The following KIAA0825 variants were observed in gnomAD, a reference collection of about 807,000 sequenced individuals.
KIAA0825 encodes KIAA0825, also known as uncharacterized protein KIAA0825.
KIAA0825 carries 119 observed loss-of-function variants against 147.6 expected under a neutral mutation model. The ratio of observed to expected loss-of-function variants is 0.81; its 90% CI spans 0.69 to 0.94. The LOEUF (loss-of-function observed/expected upper bound fraction) is 0.94. Among genes scored for constraint, KIAA0825 ranks in the 40% least tolerant of loss-of-function variants. The pLI is 0.00. For synonymous variants in KIAA0825, 470 were observed against 518.1 expected, an observed-to-expected ratio of 0.91 and a Z score of 1.26; for missense variants, 1,381 against 1,472.7, an observed-to-expected ratio of 0.94 and a Z score of 1.02.
At chr5:94,586,111 A>G (rs1414774638) in intron 1 of KIAA0825, among the ~76,000 whole-genome samples, 1 of 152,210 alleles carries the variant, frequency 6.6e-6, no homozygotes, top group East Asian at 1.9e-4. Flanking sequence ...TTGACACCCT[A>G]ACATCACAAT....
intron 1 of KIAA0825, among the ~76,000 whole-genome samples, chr5:94,606,272 A>G (rs1216424254): frequency 6.6e-6 from 1 of 152,250 alleles, no homozygotes; most frequent in Non-Finnish European, 1.5e-5. Flanking sequence ...AAACAAATGG[A>G]AAAACATCCC....
chr5:94,339,383 A>G (rs1172364002), intron 20 of KIAA0825, among the ~76,000 whole-genome samples: 2 of 152,222 alleles, frequency 1.3e-5, no homozygotes, highest in Admixed American at 6.5e-5. Flanking sequence ...TTGTGATTTA[A>G]TAAGACTTTA....
intron 20 of KIAA0825, among the ~76,000 whole-genome samples, chr5:94,327,977 G>T (rs569343556): frequency 6.6e-6 from 1 of 152,230 alleles, no homozygotes; most frequent in African/African-American, 2.4e-5. Flanking sequence ...CTGCACTCCA[G>T]CCTGGTGACA....
At chr5:94,191,683 T>C (rs1464931572) in intron 20 of KIAA0825, among the ~76,000 whole-genome samples, 1 of 152,242 alleles carries the variant, frequency 6.6e-6, no homozygotes, top group Non-Finnish European at 1.5e-5. Flanking sequence ...AATTACTCTA[T>C]GATTAAGTTT....
intron 20 of KIAA0825, among the ~76,000 whole-genome samples, chr5:94,326,433 C>T (rs906565203): frequency 6.6e-6 from 1 of 152,084 alleles, no homozygotes; most frequent in Non-Finnish European, 1.5e-5. Context: ...GATGTAGTTC[C>T]AAACCATCAT....
Position 94,384,463 on chromosome 5 carries a change from C to T in KIAA0825, c.3620-5G>A. ...TCCAGTTCCATTTTGTGATGGCTGA[C>T]TGTTGATAAATGAGAAGACACTATT... On this transcript the variant is annotated splice_region_variant and splice_polypyrimidine_tract_variant and intron_variant, in intron 19 of 20. Transcript: ENST00000682413. 1 of 1,548,842 alleles carries T rather than the reference C, an allele frequency of 6.5e-7. No homozygotes were observed. Among genetic ancestry groups the T allele is most frequent in the Non-Finnish European group, 8.7e-7 (1 of 1,144,300 alleles).
chr5:94,593,276 G>A, intron 1 of KIAA0825: 3 of 769,350 alleles, frequency 3.9e-6, no homozygotes, highest in Non-Finnish European at 7.3e-6. Flanking sequence ...TTGTATTTTA[G>A]TCCATTAATG....
chr5:94,176,206 T>C (rs1769083082), intron 20 of KIAA0825, among the ~76,000 whole-genome samples: 1 of 152,054 alleles, frequency 6.6e-6, no homozygotes, highest in Non-Finnish European at 1.5e-5. Flanking sequence ...ATGGATTACT[T>C]CCCACAAGAG....
At chr5:94,562,210 A>G (rs1777678727) in intron 2 of KIAA0825, among the ~76,000 whole-genome samples, 1 of 152,216 alleles carries the variant, frequency 6.6e-6, no homozygotes, top group Admixed American at 6.5e-5. Flanking sequence ...CCTTTGTAGT[A>G]TACTTTTTAA....
chr5:94,325,946 T>C (rs1186789372), intron 20 of KIAA0825, among the ~76,000 whole-genome samples: 4 of 152,086 alleles, frequency 2.6e-5, no homozygotes, highest in African/African-American at 7.2e-5. Context: ...TATCAGAGTT[T>C]TTTTTCAGAA....
rs150574837 is a variant in KIAA0825 at position 94,209,287 on chromosome 5, A to G, written c.3711-55163T>C. Among the ~76,000 whole-genome samples, 412 of 152,358 alleles carry G rather than the reference A, an allele frequency of 2.7e-3. 1 individual carries two copies. The highest frequency in any genetic ancestry group is 9.4e-3 in the African/African-American group (392 of 41,592). The stretch of plus-strand genomic sequence containing the variant: ...ATAAAATATAATCATAGAAACACAC[A>G]TAACACATACACACACCCCTGAATA... On this transcript the variant is annotated intron_variant, in intron 20 of 20. Transcript: ENST00000682413.
intron 3 of KIAA0825, among the ~76,000 whole-genome samples, chr5:94,524,905 T>C (rs1768974737): frequency 2.6e-5 from 4 of 151,916 alleles, no homozygotes; most frequent in Admixed American, 2.0e-4. Flanking sequence ...TTCCTGTTGA[T>C]AAAATAACAG....
At chr5:94,189,384 G>A (rs1173274371) in intron 20 of KIAA0825, among the ~76,000 whole-genome samples, 2 of 152,036 alleles carry the variant, frequency 1.3e-5, no homozygotes, top group African/African-American at 4.8e-5. Context: ...GTTTTCTTCA[G>A]AAGTTGAGTA....
At chr5:94,432,160 T>C (rs1393250716) in intron 14 of KIAA0825, among the ~76,000 whole-genome samples, 1 of 152,246 alleles carries the variant, frequency 6.6e-6, no homozygotes, top group Non-Finnish European at 1.5e-5. Flanking sequence ...TTCTTTTGCC[T>C]TCTATAGCAG....
chr5:94,281,198 AACACAC>A (rs34358354), intron 20 of KIAA0825, among the ~76,000 whole-genome samples: 28,185 of 144,890 alleles, frequency 0.19, 2,874 homozygotes, highest in Admixed American at 0.28. Context: ...TAAGTGATTT[AACACAC>A]ACACACACAC....
intron 14 of KIAA0825, among the ~76,000 whole-genome samples, chr5:94,429,556 A>G (rs968886734): frequency 2.6e-5 from 4 of 152,188 alleles, no homozygotes; most frequent in East Asian, 1.9e-4. Flanking sequence ...TCTGTGGTCA[A>G]TGTGGCTGGG....
At chr5:94,537,216 T>A in intron 2 of KIAA0825, 89 bp from the exon 3 acceptor site, 1 of 938,026 alleles carries the variant, frequency 1.1e-6, no homozygotes, top group Non-Finnish European at 1.6e-6. Context: ...CAAGTTGTGA[T>A]ACTAAACCAA....
At chr5:94,275,871 C>G (rs1777204634) in intron 20 of KIAA0825, among the ~76,000 whole-genome samples, 1 of 152,098 alleles carries the variant, frequency 6.6e-6, no homozygotes, top group Admixed American at 6.6e-5. Flanking sequence ...GCAGCTTCCC[C>G]CACAGAGCAT....
intron 20 of KIAA0825, among the ~76,000 whole-genome samples, chr5:94,158,493 T>C (rs910454308): frequency 6.6e-6 from 1 of 152,168 alleles, no homozygotes; most frequent in Non-Finnish European, 1.5e-5. Context: ...AACATGTTTA[T>C]GTGCAACAAT....
Sources: gnomAD v4.1 joint callset for allele counts (sites outside exome capture counted in the v4.1 genomes callset) on GRCh38, gnomAD v4.1.1 for gene constraint, MANE v1.5 for transcripts, NCBI Gene and HGNC (gene_info 2026-07-23, HGNC 2026-07-21) for gene names.